PAAF1: variants seen among roughly 807,000 people sequenced by gnomAD.
PAAF1 encodes proteasomal ATPase associated factor 1.
In PAAF1, 46 loss-of-function variants were observed where a neutral mutation model predicts 52.8. The observed-to-expected ratio is 0.87, with a 90% CI of 0.69 to 1.11. The LOEUF (loss-of-function observed/expected upper bound fraction) is 1.11, where lower values mean the gene tolerates loss of function less well. Among genes scored for constraint, PAAF1 ranks in the 50% most tolerant of loss-of-function variants. The pLI is 0.00. For missense variants in PAAF1, 424 were observed against 477.4 expected (o/e 0.89, Z 1.04); for synonymous variants, 178 against 172.8 (o/e 1.03, Z -0.24).
chr11:73,897,147 C>G (rs936328456), intron 4 of PAAF1, among the ~76,000 whole-genome samples: 1 of 144,184 alleles, frequency 6.9e-6, no homozygotes, highest in Admixed American at 6.8e-5. Context: ...AGAGGCGCCC[C>G]TCACCTCCCG....
intron 9 of PAAF1, 104 bp from the exon 10 acceptor site, chr11:73,918,846 A>G (rs930237511): frequency 1.8e-5 from 15 of 816,450 alleles, no homozygotes; most frequent in African/African-American, 3.5e-5. Flanking sequence ...CTTTCTTCAC[A>G]TTTTATCCTG....
At chr11:73,908,415 G>GTATATATAT (rs1949836859) in intron 6 of PAAF1, among the ~76,000 whole-genome samples, 1 of 137,028 alleles carries the variant, frequency 7.3e-6, no homozygotes, top group African/African-American at 2.8e-5. Context: ...ATATATGTGT[G>GTATATATAT]TATATATATA....
chr11:73,920,905 G>A (rs192005320), intron 10 of PAAF1, among the ~76,000 whole-genome samples: 8 of 150,082 alleles, frequency 5.3e-5, no homozygotes, highest in South Asian at 4.3e-4. Flanking sequence ...AGTGGCTCAC[G>A]CCTGTAATCC....
chr11:73,920,082 T>C (rs769967577), intron 10 of PAAF1, among the ~76,000 whole-genome samples: 28 of 152,038 alleles, frequency 1.8e-4, no homozygotes, highest in Non-Finnish European at 4.0e-4. Context: ...TGTACCAATA[T>C]TGGCATCTTA....
intron 4 of PAAF1, among the ~76,000 whole-genome samples, chr11:73,896,668 A>G (rs1390460428): frequency 2.6e-5 from 4 of 152,200 alleles, no homozygotes; most frequent in Admixed American, 2.0e-4. Context: ...CTTAGTACGG[A>G]ACAAAATGAA....
intron 4 of PAAF1, among the ~76,000 whole-genome samples, chr11:73,894,219 T>TA (rs1426678549): frequency 2.0e-5 from 3 of 152,134 alleles, no homozygotes; most frequent in Non-Finnish European, 4.4e-5. Flanking sequence ...AAAAATCATT[T>TA]ACAGGCTAGG....
intron 2 of PAAF1, among the ~76,000 whole-genome samples, chr11:73,886,116 G>A (rs537715051): frequency 6.6e-6 from 1 of 152,250 alleles, no homozygotes; most frequent in South Asian, 2.1e-4. Flanking sequence ...TTATGTGTAG[G>A]ATAGTATCTT....
At chr11:73,895,977 G>C (rs1238911031) in intron 4 of PAAF1, among the ~76,000 whole-genome samples, 1 of 152,178 alleles carries the variant, frequency 6.6e-6, no homozygotes, top group Admixed American at 6.5e-5. Context: ...GGACATGCCA[G>C]CCCATGTTTG....
At position 73,930,614 on chromosome 11, in the gene PAAF1, G is replaced by A. The variant is rs965825999; in HGVS notation, c.*3252G>A. 2 of 151,744 alleles carry A rather than the reference G, an allele frequency of 1.3e-5. No homozygotes were observed. The highest frequency in any genetic ancestry group is 2.9e-5 in the Non-Finnish European group (2 of 67,966). 9.4% of individuals were successfully genotyped at this position (151,744 alleles called of 1,614,324 possible). A position where few individuals can be genotyped will look rare whatever the true frequency, so the allele number is the denominator to read the frequency against. On this transcript the variant is annotated 3_prime_UTR_variant, in exon 12 of 12. Transcript: ENST00000310571. ...ATACAAAACTTAGCCAGGTGTGGTG[G>A]TGGGCACCTGTAATACCAGCTACTA...
At chr11:73,878,739 C>G in intron 1 of PAAF1, 40 bp from the exon 2 acceptor site, 1 of 1,602,380 alleles carries the variant, frequency 6.2e-7, no homozygotes, top group Non-Finnish European at 8.5e-7. Flanking sequence ...TCCTATTCAA[C>G]TTTGGGTAAG....
chr11:73,894,691 G>A (rs1279774702), intron 4 of PAAF1, among the ~76,000 whole-genome samples: 1 of 152,112 alleles, frequency 6.6e-6, no homozygotes, highest in African/African-American at 2.4e-5. Flanking sequence ...GGGCATGGTG[G>A]CACACGCCTG....
chr11:73,876,849 G>A (rs1160222099), upstream of PAAF1: 11 of 637,954 alleles, frequency 1.7e-5, no homozygotes, highest in Non-Finnish European at 2.4e-5. Flanking sequence ...ATCCTTTCAG[G>A]AACCAGCCCC....
chr11:73,883,678 G>C (rs148912854), intron 2 of PAAF1, among the ~76,000 whole-genome samples: 2 of 151,910 alleles, frequency 1.3e-5, no homozygotes, highest in Non-Finnish European at 2.9e-5. Flanking sequence ...CACCACACCC[G>C]GGTAATTTTT....
intron 6 of PAAF1, among the ~76,000 whole-genome samples, chr11:73,900,767 G>T (rs547399849): frequency 6.6e-6 from 1 of 152,118 alleles, no homozygotes; most frequent in Admixed American, 6.5e-5. Flanking sequence ...CGGATCACGA[G>T]GTCAGGAGAT....
chr11:73,902,639 C>G (rs746668545), intron 6 of PAAF1, among the ~76,000 whole-genome samples: 1 of 145,434 alleles, frequency 6.9e-6, no homozygotes, highest in African/African-American at 2.7e-5. Flanking sequence ...CCTTAATTCT[C>G]CCTAAGAATA....
chr11:73,889,004 C>G, intron 3 of PAAF1: 1 of 501,166 alleles, frequency 2.0e-6, no homozygotes, highest in Admixed American at 3.5e-5. Flanking sequence ...GATAAGCAAA[C>G]CAACTCAGAG....
chr11:73,913,381 G>A (rs1380834015), intron 7 of PAAF1, among the ~76,000 whole-genome samples: 1 of 151,966 alleles, frequency 6.6e-6, no homozygotes, highest in African/African-American at 2.4e-5. Context: ...AATTGCTCGA[G>A]CCCAGGAGTT....
chr11:73,918,057 C>G (rs1014258512), intron 9 of PAAF1, among the ~76,000 whole-genome samples: 1 of 152,096 alleles, frequency 6.6e-6, no homozygotes, highest in African/African-American at 2.4e-5. Flanking sequence ...AAATGAGAAA[C>G]ATTGGGTCTT....
At chr11:73,913,640 A>G in intron 7 of PAAF1, among the ~76,000 whole-genome samples, 1 of 151,454 alleles carries the variant, frequency 6.6e-6, no homozygotes, top group Admixed American at 6.6e-5. Flanking sequence ...GTTCATCACT[A>G]TTTCCTTAGC....
Sources: allele counts gnomAD v4.1 joint callset (sites outside exome capture counted in the v4.1 genomes callset), GRCh38; gene constraint gnomAD v4.1.1; transcripts MANE v1.5; gene names NCBI Gene and HGNC (gene_info 2026-07-23, HGNC 2026-07-21).